ECM2: variants seen among roughly 807,000 people sequenced by gnomAD.
ECM2 encodes the protein extracellular matrix protein 2.
ECM2 carries 57 observed loss-of-function variants against 67.5 expected under a neutral mutation model. The ratio of observed to expected loss-of-function variants is 0.84; its 90% CI spans 0.68 to 1.05. ECM2 has a LOEUF of 1.05. ECM2 is among the 50% of genes least tolerant of loss of function. ECM2 has a pLI of 0.00. For missense variants in ECM2, 741 were observed against 822.8 expected (o/e 0.90, Z 1.22); for synonymous variants, 258 against 294.5 (o/e 0.88, Z 1.27).
the ECM2 span, among the ~76,000 whole-genome samples, chr9:92,547,891 A>G: frequency 0.04 from 6,068 of 152,294 alleles, 185 homozygotes; most frequent in South Asian, 0.099. Context: ...AGTGATGCCC[A>G]CTGAAGGCCC....
At chr9:92,545,927 G>A in the ECM2 span, among the ~76,000 whole-genome samples, 41 of 152,184 alleles carry the variant, frequency 2.7e-4, no homozygotes, top group Non-Finnish European at 5.6e-4. Context: ...CTAGCTAAGG[G>A]ATTGTGAATG....
intron 6 of ECM2, 80 bp from the exon 7 acceptor site, chr9:92,505,770 G>T (rs1158138913): frequency 1.7e-6 from 2 of 1,163,426 alleles, no homozygotes; most frequent in Non-Finnish European, 2.4e-6. Flanking sequence ...AATGTCATGT[G>T]AAATGGCCGG....
chr9:92,520,667 C>A (rs1396089798), intron 2 of ECM2, among the ~76,000 whole-genome samples: 1 of 152,130 alleles, frequency 6.6e-6, no homozygotes, highest in Non-Finnish European at 1.5e-5. Flanking sequence ...ATGTTCATAG[C>A]TGTGTTATTC....
At chr9:92,511,188 C>T (rs905410246) in intron 5 of ECM2, among the ~76,000 whole-genome samples, 6 of 152,106 alleles carry the variant, frequency 3.9e-5, no homozygotes, top group Admixed American at 6.5e-5. Context: ...TGCAATGGCG[C>T]GATCTCGGCT....
chr9:92,548,856 T>A, the ECM2 span, among the ~76,000 whole-genome samples: 1 of 152,140 alleles, frequency 6.6e-6, no homozygotes, highest in Non-Finnish European at 1.5e-5. Flanking sequence ...GCAGTTCACT[T>A]TTGTGTGTGT....
At chr9:92,529,883 G>A (rs72754438) in intron 1 of ECM2, among the ~76,000 whole-genome samples, 15,499 of 152,174 alleles carry the variant, frequency 0.1, 911 homozygotes, top group East Asian at 0.17. Flanking sequence ...TTATATCACA[G>A]GTTCTGCATC....
In ECM2 at chr9:92,495,466, A is replaced by C. The variant is rs1846302153; in HGVS notation, c.*849T>G. On this transcript the variant is annotated 3_prime_UTR_variant, in exon 10 of 10. Coordinates refer to ENST00000344604, the MANE Select transcript of ECM2 (RefSeq NM_001393.4). ...TGACCAGTGGTGCAAAATTTTTCAA[A>C]AATTTATACATTAGATTTACCTTTA... The C allele has an allele frequency of 1.0e-6, 1 of 984,820 alleles. No homozygotes were observed. 61.0% of individuals were successfully genotyped at this position (984,820 alleles called of 1,614,324 possible). A position where few individuals can be genotyped will look rare whatever the true frequency, so the allele number is the denominator to read the frequency against.
intron 1 of ECM2, among the ~76,000 whole-genome samples, chr9:92,535,715 A>AAATTCC (rs1849128636): frequency 6.6e-6 from 1 of 152,128 alleles, no homozygotes; most frequent in Admixed American, 6.5e-5. Flanking sequence ...ATTCCACCTA[A>AAATTCC]ACATATAAAA....
chr9:92,505,651 T>G lies in ECM2; in HGVS notation c.1346A>C (p.Asn449Thr). 1 of 1,607,132 alleles carries G rather than the reference T, an allele frequency of 6.2e-7. No individual in the cohort carries two copies. Among genetic ancestry groups the G allele is most frequent in the Non-Finnish European group, 8.5e-7 (1 of 1,178,140 alleles). The change falls in exon 7 of 10, where the codon AAT becomes ACT. Residue 449 changes from asparagine (N) to threonine (T), a missense_variant. Transcript: ENST00000344604. ...QLVTLELEGN[N>T]LSEANVNPLA... is the part of the protein sequence containing the mutation. ...AGGATTGACATTGGCTTCACTGAGA[T>G]TGTTTCCTTCCAATTCTAAGGTGAC...
chr9:92,504,830 C>T (rs373456685), intron 7 of ECM2, among the ~76,000 whole-genome samples: 59 of 152,328 alleles, frequency 3.9e-4, no homozygotes, highest in African/African-American at 1.4e-3. Context: ...TGAGCCACTG[C>T]ACGGTCCACC....
chr9:92,519,132 G>A lies in ECM2; in HGVS notation c.293-1257C>T, dbSNP rs151168347. ...CTCACATTAGTCCCCTCCTTTCCCC[G>A]ACCACTAACTCAGCCCAATTCAGGC... On this transcript the variant is annotated intron_variant, in intron 2 of 9. Transcript: ENST00000344604. 1.7e-3 allele frequency among the ~76,000 whole-genome samples: 251 copies of A among 151,868 alleles called. 1 individual carries two copies. The highest frequency in any genetic ancestry group is 5.5e-3 in the African/African-American group (229 of 41,420).
chr9:92,514,306 G>A (rs1292435451), intron 4 of ECM2, among the ~76,000 whole-genome samples: 3 of 143,474 alleles, frequency 2.1e-5, no homozygotes, highest in Non-Finnish European at 3.0e-5. Flanking sequence ...ATGGAGTCTC[G>A]CTCAAGTGCC....
chr9:92,519,393 C>T (rs1485138927), intron 2 of ECM2, among the ~76,000 whole-genome samples: 1 of 152,134 alleles, frequency 6.6e-6, no homozygotes, highest in Admixed American at 6.5e-5. Context: ...TTGGAGATCT[C>T]ACACTTTCAG....
chr9:92,507,668 C>T (rs1186602752), intron 6 of ECM2, among the ~76,000 whole-genome samples: 1 of 152,198 alleles, frequency 6.6e-6, no homozygotes, highest in Non-Finnish European at 1.5e-5. Flanking sequence ...CATGGTCATC[C>T]ACTAGAGCAG....
In ECM2 at chr9:92,515,016, A is replaced by G. The variant is rs1563979889; in HGVS notation, c.669T>C (p.Asp223=). 3.7e-6 allele frequency: 6 copies of G among 1,613,912 alleles called. No homozygotes were observed. The highest frequency in any genetic ancestry group is 5.1e-6 in the Non-Finnish European group (6 of 1,179,966). ...CAGGGGTCTCTCTCTTTTGCTCTGT[A>G]TCTTCTTCTTTCACTTCTTCATCCT... ...SEEDEEVKEE[D]TEQKRETPES... Residue 223 remains aspartate, a synonymous_variant, in exon 4 of 10, where the codon GAT becomes GAC. Transcript: ENST00000344604.
chr9:92,528,623 A>G (rs1416354572), intron 1 of ECM2, among the ~76,000 whole-genome samples: 1 of 152,248 alleles, frequency 6.6e-6, no homozygotes, highest in East Asian at 1.9e-4. Context: ...TCCACCAGTC[A>G]GAGTGGAAAA....
At chr9:92,551,953 GAT>G in the ECM2 span, among the ~76,000 whole-genome samples, 17 of 108,112 alleles carry the variant, frequency 1.6e-4, 1 homozygote, top group East Asian at 1.3e-3. Flanking sequence ...ATATATATAT[GAT>G]ATATATATGT....
chr9:92,544,078 G>T, the ECM2 span, among the ~76,000 whole-genome samples: 47 of 152,208 alleles, frequency 3.1e-4, no homozygotes, highest in Non-Finnish European at 3.8e-4. Flanking sequence ...ATGTTGAATA[G>T]AAGTTGCGTG....
At chr9:92,503,627 A>G (rs1319974366) in intron 7 of ECM2, among the ~76,000 whole-genome samples, 1 of 152,254 alleles carries the variant, frequency 6.6e-6, no homozygotes. Flanking sequence ...TCTGCATTAT[A>G]AAAATTCTCC....
Sources: gnomAD v4.1 joint callset for allele counts (sites outside exome capture counted in the v4.1 genomes callset) on GRCh38, gnomAD v4.1.1 for gene constraint, MANE v1.5 for transcripts, NCBI Gene and HGNC (gene_info 2026-07-23, HGNC 2026-07-21) for gene names.